Variants in CNBD1 observed in about 807,000 individuals in gnomAD.
The protein encoded by CNBD1 is cyclic nucleotide-binding domain-containing protein 1.
A neutral mutation model predicts 54.4 loss-of-function variants in CNBD1; 71 were observed. The ratio of observed to expected loss-of-function variants is 1.30; its 90% CI spans 1.08 to 1.59. The LOEUF (loss-of-function observed/expected upper bound fraction) is 1.59. Among genes scored for constraint, CNBD1 ranks in the 40% most tolerant of loss-of-function variants. The probability of loss-of-function intolerance (pLI) is 0.00; values close to 1 mark genes in which losing one functional copy is unlikely to be tolerated. For synonymous variants in CNBD1, 182 were observed against 170.7 expected, an observed-to-expected ratio of 1.07 and a Z score of -0.51; for missense variants, 659 against 518.0, an observed-to-expected ratio of 1.27 and a Z score of -2.64.
intron 10 of CNBD1, among the ~76,000 whole-genome samples, chr8:87,370,747 C>T (rs1409537694): frequency 4.0e-5 from 6 of 148,480 alleles, no homozygotes; most frequent in Non-Finnish European, 7.5e-5. Context: ...TCCCATTTGT[C>T]AATTTTGTCT....
intron 4 of CNBD1, among the ~76,000 whole-genome samples, chr8:86,954,338 G>A (rs1035504189): frequency 4.5e-4 from 68 of 152,202 alleles, no homozygotes; most frequent in African/African-American, 1.6e-3. Flanking sequence ...CACTTCATAA[G>A]TTTTTGTTAA....
At chr8:87,350,019 G>A (rs900771958) in intron 8 of CNBD1, among the ~76,000 whole-genome samples, 6 of 152,172 alleles carry the variant, frequency 3.9e-5, no homozygotes, top group Admixed American at 2.0e-4. Context: ...GATTTCTTTG[G>A]TACATGTTTA....
chr8:87,012,940 C>T (rs1809255473), intron 4 of CNBD1, among the ~76,000 whole-genome samples: 1 of 152,196 alleles, frequency 6.6e-6, no homozygotes, highest in African/African-American at 2.4e-5. Context: ...CTCAGGACCT[C>T]CTGAGGGCTA....
intron 10 of CNBD1, among the ~76,000 whole-genome samples, chr8:87,365,410 T>G (rs1407145657): frequency 6.6e-6 from 1 of 152,064 alleles, no homozygotes; most frequent in African/African-American, 2.4e-5. Flanking sequence ...CTTTGTCAGA[T>G]GTGTAGTTAG....
intron 2 of CNBD1, among the ~76,000 whole-genome samples, chr8:87,401,219 A>G (rs923838607): frequency 3.9e-5 from 6 of 152,182 alleles, no homozygotes; most frequent in Middle Eastern, 3.4e-3. Flanking sequence ...TAAGATAACC[A>G]CATTGAAATC....
chr8:87,034,687 T>C (rs766160014), intron 4 of CNBD1, among the ~76,000 whole-genome samples: 7 of 152,214 alleles, frequency 4.6e-5, no homozygotes, highest in Non-Finnish European at 8.8e-5. Flanking sequence ...ATTATTTGCA[T>C]GCATGACATA....
intron 2 of CNBD1, among the ~76,000 whole-genome samples, chr8:87,397,045 T>A (rs555211349): frequency 7.2e-5 from 11 of 152,042 alleles, no homozygotes; most frequent in Non-Finnish European, 1.0e-4. Flanking sequence ...GAGGCAAGCT[T>A]TTAAAATATA....
intron 4 of CNBD1, among the ~76,000 whole-genome samples, chr8:87,145,377 C>A (rs924674355): frequency 1.3e-5 from 2 of 152,154 alleles, no homozygotes; most frequent in South Asian, 4.2e-4. Context: ...AAATAAATAT[C>A]TTTTTAGATA....
At chr8:87,379,277 T>C (rs1330689548) in intron 10 of CNBD1, among the ~76,000 whole-genome samples, 1 of 151,974 alleles carries the variant, frequency 6.6e-6, no homozygotes, top group Admixed American at 6.6e-5. Flanking sequence ...CACACATTAA[T>C]AATGGGAGAC....
chr8:87,277,817 C>T (rs1253654353), intron 6 of CNBD1, among the ~76,000 whole-genome samples: 1 of 151,550 alleles, frequency 6.6e-6, no homozygotes, highest in Non-Finnish European at 1.5e-5. Context: ...TACACAACAT[C>T]CAGCATTGAC....
At chr8:87,080,570 C>CAAA (rs201765591) in intron 4 of CNBD1, among the ~76,000 whole-genome samples, 1 of 116,662 alleles carries the variant, frequency 8.6e-6, no homozygotes, top group African/African-American at 2.9e-5. Flanking sequence ...AGCTCCATCT[C>CAAA]AAAAAAAAAA....
At chr8:87,330,742 G>C (rs543414074) in intron 8 of CNBD1, among the ~76,000 whole-genome samples, 1 of 152,270 alleles carries the variant, frequency 6.6e-6, no homozygotes, top group South Asian at 2.1e-4. Context: ...GTTCAGATAA[G>C]AATATGTATG....
intron 4 of CNBD1, among the ~76,000 whole-genome samples, chr8:87,034,588 T>A (rs192488544): frequency 7.8e-4 from 119 of 152,352 alleles, no homozygotes; most frequent in African/African-American, 2.7e-3. Context: ...TTCATGTGTG[T>A]AAGTTTTGGT....
chr8:87,301,072 T>C (rs78308666), intron 8 of CNBD1, among the ~76,000 whole-genome samples: 7,277 of 152,074 alleles, frequency 0.048, 568 homozygotes, highest in African/African-American at 0.16. Flanking sequence ...TATGAACACC[T>C]TTACATACAT....
At chr8:87,028,608 G>T (rs949892142) in intron 4 of CNBD1, among the ~76,000 whole-genome samples, 3 of 152,168 alleles carry the variant, frequency 2.0e-5, no homozygotes, top group African/African-American at 7.2e-5. Context: ...GGTTTATATA[G>T]CAGGTAAGAA....
rs112740735 is a variant in CNBD1 at position 86,971,295 on chromosome 8, C to T, written c.431+31541C>T. ...GGACTGCCAAACATTTTTATACCAT[C>T]AGATCTTGTGAGAACTCACTCACTA... On this transcript the variant is annotated intron_variant, in intron 4 of 10. Coordinates refer to ENST00000518476, the MANE Select transcript of CNBD1 (RefSeq NM_173538.3). Among the ~76,000 whole-genome samples the T allele has an allele frequency of 3.6e-3, 543 of 152,234 alleles. 2 individuals are homozygous for T. Among genetic ancestry groups the T allele is most frequent in the Non-Finnish European group, 5.4e-3 (368 of 68,018 alleles).
intron 8 of CNBD1, among the ~76,000 whole-genome samples, chr8:87,331,725 T>C (rs573556820): frequency 9.8e-5 from 15 of 152,298 alleles, no homozygotes; most frequent in African/African-American, 3.4e-4. Flanking sequence ...CCAGCATCTA[T>C]TGTTGGTTTA....
intron 3 of CNBD1, among the ~76,000 whole-genome samples, chr8:86,931,925 T>C (rs1411335970): frequency 6.6e-6 from 1 of 152,206 alleles, no homozygotes; most frequent in Non-Finnish European, 1.5e-5. Context: ...GGCTTTTTAC[T>C]AATTCTACTT....
At chr8:87,268,018 G>C (rs571930671) in intron 6 of CNBD1, among the ~76,000 whole-genome samples, 2 of 152,036 alleles carry the variant, frequency 1.3e-5, no homozygotes, top group Non-Finnish European at 2.9e-5. Context: ...GGCAAATTGC[G>C]TGTTGCTGAG....
Sources: allele counts gnomAD v4.1 joint callset (sites outside exome capture counted in the v4.1 genomes callset), GRCh38; gene constraint gnomAD v4.1.1; transcripts MANE v1.5; gene names NCBI Gene and HGNC (gene_info 2026-07-23, HGNC 2026-07-21).